Variants in APBA2 observed in about 807,000 individuals in gnomAD.
APBA2 encodes amyloid-beta A4 precursor protein-binding family A member 2.
Under a neutral mutation model 75.0 loss-of-function variants are expected in APBA2, and 30 were observed. That is an observed-to-expected ratio of 0.40 (90% CI 0.30 to 0.54). The LOEUF (loss-of-function observed/expected upper bound fraction) is 0.54. APBA2 is among the 20% of genes least tolerant of loss of function. The probability of loss-of-function intolerance (pLI) is 0.49; values close to 1 mark genes in which losing one functional copy is unlikely to be tolerated. For synonymous variants in APBA2, 444 were observed against 409.6 expected (o/e 1.08, Z -1.01); for missense variants, 801 against 1,016.1 (o/e 0.79, Z 2.88).
chr15:28,978,128 G>C (rs2037437566), intron 2 of APBA2, among the ~76,000 whole-genome samples: 1 of 152,208 alleles, frequency 6.6e-6, no homozygotes, highest in Admixed American at 6.5e-5. Flanking sequence ...CCCTCTCTCT[G>C]TTTCCAGCTT....
At chr15:29,099,357 A>G (rs1273486958) in intron 9 of APBA2, among the ~76,000 whole-genome samples, 1 of 152,208 alleles carries the variant, frequency 6.6e-6, no homozygotes, top group African/African-American at 2.4e-5. Flanking sequence ...CAGAATCAGC[A>G]AAGCGGATGC....
chr15:28,997,491 A>C (rs770930721), intron 3 of APBA2, among the ~76,000 whole-genome samples: 10 of 152,182 alleles, frequency 6.6e-5, no homozygotes, highest in Non-Finnish European at 1.3e-4. Context: ...AAAATGCTGG[A>C]GATTTTGATT....
chr15:28,951,293 C>T (rs1161166746), intron 2 of APBA2, among the ~76,000 whole-genome samples: 1 of 152,166 alleles, frequency 6.6e-6, no homozygotes, highest in Non-Finnish European at 1.5e-5. Context: ...ATGGTATCTA[C>T]AGGGGGGCCT....
intron 11 of APBA2, 100 bp from the exon 12 acceptor site, chr15:29,106,507 G>A: frequency 7.5e-7 from 1 of 1,334,124 alleles, no homozygotes; most frequent in South Asian, 1.2e-5. Flanking sequence ...GGGCAGGGCG[G>A]GATGTGCCAG....
At chr15:29,098,050 C>T (rs573903164) in intron 8 of APBA2, among the ~76,000 whole-genome samples, 17 of 152,342 alleles carry the variant, frequency 1.1e-4, no homozygotes, top group African/African-American at 2.9e-4. Context: ...ATCCATTCAT[C>T]GTGAATGGAC....
Position 29,101,988 on chromosome 15 carries a change from C to T in APBA2, c.1524+204C>T, listed in dbSNP as rs568679353. Reference sequence around the variant, plus strand: ...TTTATTCTACTTCTTGAAATAGGTTCTTCAGGAGCTGTTTATAAATTGAGT... The same window carrying T: ...TTTATTCTACTTCTTGAAATAGGTTTTTCAGGAGCTGTTTATAAATTGAGT... On this transcript the variant is annotated intron_variant, in intron 10 of 14. Transcript: ENST00000683413. 14 of 625,814 alleles carry T rather than the reference C, an allele frequency of 2.2e-5. No homozygotes were observed. In the East Asian group the frequency reaches 3.3e-4, roughly 15 times the overall value. The allele number at this position is 625,814 out of a possible 1,614,324, so 38.8% of individuals were successfully genotyped here.
intron 6 of APBA2, among the ~76,000 whole-genome samples, chr15:29,077,858 A>G (rs1011894605): frequency 6.6e-6 from 1 of 152,242 alleles, no homozygotes. Flanking sequence ...GGAAGAGATC[A>G]TCATAATGGT....
chr15:28,979,507 G>A (rs2037511960), intron 2 of APBA2, among the ~76,000 whole-genome samples: 1 of 152,190 alleles, frequency 6.6e-6, no homozygotes, highest in Non-Finnish European at 1.5e-5. Flanking sequence ...CTTCCCTGGG[G>A]GTGCAGAGTG....
intron 3 of APBA2, among the ~76,000 whole-genome samples, chr15:29,014,209 G>C (rs1194190253): frequency 6.6e-6 from 1 of 152,192 alleles, no homozygotes; most frequent in African/African-American, 2.4e-5. Flanking sequence ...GCTGCATGCA[G>C]CTCACATATT....
chr15:28,955,877 G>T (rs964400716), intron 2 of APBA2, among the ~76,000 whole-genome samples: 1 of 152,234 alleles, frequency 6.6e-6, no homozygotes, highest in African/African-American at 2.4e-5. Context: ...TTGGAGGTAG[G>T]TGTTGCTTCT....
At chr15:29,058,787 T>A (rs1363813989) in intron 4 of APBA2, among the ~76,000 whole-genome samples, 2 of 152,236 alleles carry the variant, frequency 1.3e-5, no homozygotes, top group East Asian at 1.9e-4. Context: ...AAAAAAAGGT[T>A]ATTTCAAAGC....
intron 1 of APBA2, 47 bp downstream of exon 1, chr15:28,886,325 T>G (rs1020512409): frequency 6.0e-5 from 9 of 150,552 alleles, no homozygotes. Context: ...GGCGGCAGCC[T>G]GGGGCCGCCC....
At chr15:29,092,483 G>A (rs2152951173) in intron 6 of APBA2, among the ~76,000 whole-genome samples, 2 of 152,328 alleles carry the variant, frequency 1.3e-5, no homozygotes, top group Middle Eastern at 6.8e-3. Context: ...GGACACTGCA[G>A]AGATAGAACC....
intron 1 of APBA2, among the ~76,000 whole-genome samples, chr15:28,903,624 C>T (rs1374223295): frequency 1.3e-5 from 2 of 152,230 alleles, no homozygotes; most frequent in Non-Finnish European, 2.9e-5. Context: ...CTTGTGGAGT[C>T]AGCAGGGACA....
At chr15:28,963,806 A>G (rs150980032) in intron 2 of APBA2, among the ~76,000 whole-genome samples, 2 of 152,362 alleles carry the variant, frequency 1.3e-5, no homozygotes, top group East Asian at 3.9e-4. Context: ...AACATTATGC[A>G]TAACGATAGT....
intron 2 of APBA2, among the ~76,000 whole-genome samples, chr15:28,931,303 C>T (rs1054353221): frequency 3.9e-5 from 6 of 152,200 alleles, no homozygotes; most frequent in Admixed American, 3.3e-4. Context: ...TGGTGAGAGA[C>T]TACTCCAGTC....
At chr15:28,940,293 A>G (rs2035122224) in intron 2 of APBA2, among the ~76,000 whole-genome samples, 1 of 145,504 alleles carries the variant, frequency 6.9e-6, no homozygotes, top group African/African-American at 2.5e-5. Flanking sequence ...CAGGTGGATC[A>G]TGAGGTCAGG....
intron 2 of APBA2, among the ~76,000 whole-genome samples, chr15:28,985,487 A>T (rs2037872535): frequency 6.6e-6 from 1 of 152,222 alleles, no homozygotes; most frequent in African/African-American, 2.4e-5. Context: ...AAAGGAAAGC[A>T]TGCGTGGGAT....
chr15:29,088,833 C>A (rs2043416133), intron 6 of APBA2, among the ~76,000 whole-genome samples: 1 of 152,178 alleles, frequency 6.6e-6, no homozygotes, highest in Non-Finnish European at 1.5e-5. Context: ...CTCGACTTGT[C>A]TCAGCTGCTG....
Sources: allele counts gnomAD v4.1 joint callset (sites outside exome capture counted in the v4.1 genomes callset), GRCh38; gene constraint gnomAD v4.1.1; transcripts MANE v1.5; gene names NCBI Gene and HGNC (gene_info 2026-07-23, HGNC 2026-07-21).